Variants in ADAM19 observed in about 807,000 individuals in gnomAD.
ADAM19 encodes disintegrin and metalloproteinase domain-containing protein 19.
A neutral mutation model predicts 114.7 loss-of-function variants in ADAM19; 65 were observed. That is an observed-to-expected ratio of 0.57 (90% CI 0.46 to 0.70). The LOEUF (loss-of-function observed/expected upper bound fraction) is 0.70, where lower values mean the gene tolerates loss of function less well. ADAM19 is among the 30% of genes least tolerant of loss of function. The probability of loss-of-function intolerance (pLI) is 0.00; values close to 1 mark genes in which losing one functional copy is unlikely to be tolerated. For synonymous variants in ADAM19, 466 were observed against 460.5 expected, an observed-to-expected ratio of 1.01 and a Z score of -0.15; for missense variants, 1,063 against 1,204.7, an observed-to-expected ratio of 0.88 and a Z score of 1.74.
intron 1 of ADAM19, 94 bp downstream of exon 1, chr5:157,575,509 C>G (rs951105791): frequency 4.5e-5 from 42 of 930,654 alleles, no homozygotes; most frequent in South Asian, 3.5e-4. Context: ...TTGCGGGAGG[C>G]GCAGGGGTCG....
In ADAM19 at chr5:157,545,033, C is replaced by T. The variant is rs148323776; in HGVS notation, c.252-7042G>A. Among the ~76,000 whole-genome samples the T allele has an allele frequency of 4.5e-3, 679 of 152,304 alleles. 4 individuals carry two copies. The highest frequency in any genetic ancestry group is 0.015 in the African/African-American group (623 of 41,562). On this transcript the variant is annotated intron_variant, in intron 3 of 22. Coordinates refer to ENST00000257527, the MANE Select transcript of ADAM19 (RefSeq NM_033274.5). Reference sequence around the variant, plus strand: ...TAAGCGGACCACTCCCTGAAACTAACAAACAAACATAAAACAGGTAGGTGA... The same window carrying T: ...TAAGCGGACCACTCCCTGAAACTAATAAACAAACATAAAACAGGTAGGTGA...
intron 3 of ADAM19, among the ~76,000 whole-genome samples, chr5:157,546,054 G>A (rs1757039220): frequency 6.6e-6 from 1 of 152,248 alleles, no homozygotes; most frequent in Non-Finnish European, 1.5e-5. Context: ...CACTATGCTA[G>A]GGGATGGGGC....
At chr5:157,511,858 G>A (rs1029185457) in intron 8 of ADAM19, among the ~76,000 whole-genome samples, 5 of 152,180 alleles carry the variant, frequency 3.3e-5, no homozygotes, top group South Asian at 2.1e-4. Flanking sequence ...CAGGATGCAT[G>A]GGCCACCCAG....
intron 18 of ADAM19, among the ~76,000 whole-genome samples, chr5:157,490,818 G>A (rs888688695): frequency 2.0e-5 from 3 of 151,568 alleles, no homozygotes; most frequent in Non-Finnish European, 4.4e-5. Flanking sequence ...CTTGAACCCG[G>A]GAGGCGGAGG....
At chr5:157,493,337 T>A (rs543245778) in intron 15 of ADAM19, among the ~76,000 whole-genome samples, 160 bp from the exon 16 acceptor site, 2 of 152,104 alleles carry the variant, frequency 1.3e-5, no homozygotes, top group African/African-American at 4.8e-5. Context: ...CCAGGAGAGA[T>A]TCCATGTGGA....
At chr5:157,514,409 C>T (rs2113733328) in intron 7 of ADAM19, among the ~76,000 whole-genome samples, 1 of 151,780 alleles carries the variant, frequency 6.6e-6, no homozygotes, top group African/African-American at 2.4e-5. Flanking sequence ...GGCTTACAAC[C>T]TCCGCCTCCC....
At chr5:157,574,411 C>A (rs1188392025) in intron 1 of ADAM19, among the ~76,000 whole-genome samples, 1 of 152,188 alleles carries the variant, frequency 6.6e-6, no homozygotes, top group East Asian at 1.9e-4. Flanking sequence ...TCAGTTTCCC[C>A]TTCGGAACAA....
chr5:157,494,975 TAATGTTTTATATAA>T (rs1755308556), intron 14 of ADAM19, among the ~76,000 whole-genome samples, 180 bp from the exon 15 acceptor site: 1 of 152,116 alleles, frequency 6.6e-6, no homozygotes, highest in African/African-American at 2.4e-5. Context: ...ACTCAGAGAA[TAATGTTTTATATAA>T]ATCCTTTTTT....
Position 157,478,951 on chromosome 5 carries a change from C to T in ADAM19, c.*1998G>A, listed in dbSNP as rs1425148537. On this transcript the variant is annotated 3_prime_UTR_variant, in exon 23 of 23. Coordinates refer to ENST00000257527, the MANE Select transcript of ADAM19 (RefSeq NM_033274.5). ...AGAAGCCACAGGAAGCTCTGTGAGGCATGGGGTTGGGTTTTGAGGATGTTG... is the reference window on the plus strand; with the variant it reads ...AGAAGCCACAGGAAGCTCTGTGAGGTATGGGGTTGGGTTTTGAGGATGTTG... The T allele has an allele frequency of 2.0e-6, 2 of 985,406 alleles. No homozygotes were observed. The highest frequency in any genetic ancestry group is 3.5e-5 in the African/African-American group (2 of 57,176). The allele number at this position is 985,406 out of a possible 1,614,324, so 61.0% of individuals were successfully genotyped here.
chr5:157,565,027 G>A (rs762774568), intron 2 of ADAM19, among the ~76,000 whole-genome samples: 2 of 152,062 alleles, frequency 1.3e-5, no homozygotes, highest in African/African-American at 2.4e-5. Flanking sequence ...TTGGCTCTCC[G>A]TTTGGAAAAC....
intron 10 of ADAM19, 40 bp from the exon 11 acceptor site, chr5:157,505,848 A>G (rs1357297521): frequency 6.3e-7 from 1 of 1,598,826 alleles, no homozygotes. Context: ...TCAAGGGGAC[A>G]GATCTGCCTC....
chr5:157,558,696 G>A (rs1757428411), intron 3 of ADAM19, among the ~76,000 whole-genome samples: 1 of 152,168 alleles, frequency 6.6e-6, no homozygotes, highest in Non-Finnish European at 1.5e-5. Flanking sequence ...TGGAGGTGGG[G>A]AGAGCTCCAC....
chr5:157,506,547 G>A (rs765198193), intron 10 of ADAM19, among the ~76,000 whole-genome samples: 5 of 152,232 alleles, frequency 3.3e-5, no homozygotes, highest in Non-Finnish European at 7.3e-5. Flanking sequence ...AGAATGGATA[G>A]AGGGACAGAC....
Position 157,530,797 on chromosome 5 carries a change from G to C in ADAM19, c.407+10C>G, listed in dbSNP as rs1417213363. 4 of 1,612,786 alleles carry C rather than the reference G, an allele frequency of 2.5e-6. No individual in the cohort carries two copies. Among genetic ancestry groups the C allele is most frequent in the South Asian group, 1.1e-5 (1 of 91,050 alleles). On this transcript the variant is annotated intron_variant, in intron 5 of 22. Transcript: ENST00000257527. ...TGCCCGGTGCCACCTGCAGCCTCAG[G>C]GTCTCTTACCTAATTCCTCGGCAAG... is the stretch of plus-strand genomic sequence containing the variant.
At chr5:157,545,793 C>A (rs139903020) in intron 3 of ADAM19, among the ~76,000 whole-genome samples, 1 of 152,302 alleles carries the variant, frequency 6.6e-6, no homozygotes, top group Non-Finnish European at 1.5e-5. Flanking sequence ...CAGACACACC[C>A]AGTAGGCAGA....
Position 157,519,959 on chromosome 5 carries a change from A to T in ADAM19, c.480T>A (p.Leu160=), listed in dbSNP as rs565445047. The change falls in exon 6 of 23, where the codon CTT becomes CTA. Residue 160 remains leucine, a synonymous_variant. Coordinates refer to ENST00000257527, the MANE Select transcript of ADAM19 (RefSeq NM_033274.5). Reference sequence around the variant, plus strand: ...GCTTGAGATGTTCAGATCTGTAAATAAGGTGTTGGCCCTTGCTGTCAGGGA... The same window carrying T: ...GCTTGAGATGTTCAGATCTGTAAATTAGGTGTTGGCCCTTGCTGTCAGGGA... ...EPLPDSKGQH[L]IYRSEHLKPP... is the part of the protein sequence containing the mutation. The T allele has an allele frequency of 3.7e-6, 6 of 1,614,078 alleles. No homozygotes were observed. Among genetic ancestry groups the T allele is most frequent in the Non-Finnish European group, 5.1e-6 (6 of 1,180,006 alleles).
intron 3 of ADAM19, among the ~76,000 whole-genome samples, chr5:157,556,208 T>C (rs1220038858): frequency 2.3e-4 from 26 of 111,940 alleles, no homozygotes; most frequent in African/African-American, 8.2e-4. Context: ...TTTTTCTTTT[T>C]CTTTTTTTTT....
chr5:157,553,733 G>C lies in ADAM19; in HGVS notation c.251+10640C>G, dbSNP rs114598266. 5.0e-3 allele frequency among the ~76,000 whole-genome samples: 757 copies of C among 152,234 alleles called. 7 individuals are homozygous for C. The highest frequency in any genetic ancestry group is 0.018 in the African/African-American group (728 of 41,534). ...ATAACAAGAAATCAGAAACCTAACT[G>C]TCAGTTAATAAGGAAATTAATAAAT... is the stretch of plus-strand genomic sequence containing the variant. On this transcript the variant is annotated intron_variant, in intron 3 of 22. Transcript: ENST00000257527.
chr5:157,559,879 G>C (rs1465867361), intron 3 of ADAM19, among the ~76,000 whole-genome samples: 1 of 152,070 alleles, frequency 6.6e-6, no homozygotes, highest in Admixed American at 6.5e-5. Context: ...TTATCCCACT[G>C]CCCACTATTT....
Sources: gnomAD v4.1 joint callset for allele counts (sites outside exome capture counted in the v4.1 genomes callset) on GRCh38, gnomAD v4.1.1 for gene constraint, MANE v1.5 for transcripts, NCBI Gene and HGNC (gene_info 2026-07-23, HGNC 2026-07-21) for gene names.